Variants in SAA1 observed in about 807,000 individuals in gnomAD.
The protein encoded by SAA1 is serum amyloid A1, also known as serum amyloid A-1 protein.
SAA1 carries 4 observed loss-of-function variants against 9.8 expected under a neutral mutation model. The observed-to-expected ratio is 0.41, with a 90% CI of 0.20 to 0.93. The LOEUF (loss-of-function observed/expected upper bound fraction) is 0.93, where lower values mean the gene tolerates loss of function less well. Ranked by LOEUF, SAA1 falls within the 40% of genes least tolerant of loss-of-function variation. The pLI, the probability that SAA1 is intolerant of heterozygous loss-of-function variation, is 0.33. For missense variants in SAA1, 114 were observed against 155.5 expected, an observed-to-expected ratio of 0.73 and a Z score of 1.42; for synonymous variants, 47 against 57.7, an observed-to-expected ratio of 0.82 and a Z score of 0.84.
chr11:18,267,403 T>TGTCA (rs10665519), intron 2 of SAA1, among the ~76,000 whole-genome samples: 6,259 of 55,048 alleles, frequency 0.11, 791 homozygotes, highest in African/African-American at 0.18. Flanking sequence ...CGAGGATTGT[T>TGTCA]GTCAGTTACT....
intron 2 of SAA1, among the ~76,000 whole-genome samples, chr11:18,267,259 C>G (rs71469386): frequency 0.2 from 12,533 of 63,732 alleles, 952 homozygotes; most frequent in Non-Finnish European, 0.23. Context: ...AAAAACACAT[C>G]TCCTGAGCCG....
rs952274708 is a variant in SAA1 at position 18,268,376 on chromosome 11, A to T, written c.92-819A>T. On this transcript the variant is annotated intron_variant, in intron 2 of 3. Transcript: ENST00000356524. The stretch of plus-strand genomic sequence containing the variant: ...GACAGAGCGAGACTCCATCTAAAAA[A>T]AATGAAAAAGAAAGTGCAGCCAAGG... Among the ~76,000 whole-genome samples, 4 of 151,864 alleles carry T rather than the reference A, an allele frequency of 2.6e-5. 1 individual carries two copies. In the South Asian group the frequency reaches 8.3e-4, roughly 32 times the overall value.
At position 18,269,750 on chromosome 11, in the gene SAA1, C is replaced by T; in HGVS notation, c.264C>T (p.Gly88=). The change falls in exon 4 of 4, where the codon GGC becomes GGT. Residue 88 remains glycine (G), a synonymous_variant. Transcript: ENST00000356524. ...GAGAGAATATCCAGAGATTCTTTGGCCATGGTGCGGAGGACTCGCTGGCTG... is the reference window on the plus strand; with the variant it reads ...GAGAGAATATCCAGAGATTCTTTGGTCATGGTGCGGAGGACTCGCTGGCTG... The part of the protein sequence containing the change: ...DARENIQRFF[G]HGAEDSLADQ... 1 of 1,613,974 alleles carries T rather than the reference C, an allele frequency of 6.2e-7. No individual in the cohort carries two copies. Among genetic ancestry groups the T allele is most frequent in the Non-Finnish European group, 8.5e-7 (1 of 1,179,872 alleles).
rs1362861004 is a variant in SAA1, at chr11:18,267,766, T to C, written c.91+788T>C. ...GTTTCAGAATGACTCTGTGACGCAA[T>C]CTTCCTCTCTTGGAAGGTGAGAAAG... On this transcript the variant is annotated intron_variant, in intron 2 of 3. Transcript: ENST00000356524. 1.8e-5 allele frequency among the ~76,000 whole-genome samples: 2 copies of C among 111,694 alleles called. 1 individual carries two copies. Among genetic ancestry groups the C allele is most frequent in the Non-Finnish European group, 4.0e-5 (2 of 49,456 alleles). 73.3% of individuals were successfully genotyped at this position (111,694 alleles called of 152,430 possible). A position where few individuals can be genotyped will look rare whatever the true frequency, so the allele number is the denominator to read the frequency against.
At position 18,269,231 on chromosome 11, in the gene SAA1, G is replaced by C; in HGVS notation, c.128G>C (p.Arg43Thr). Residue 43 changes from arginine (R) to threonine (T), a missense_variant, in exon 3 of 4, where the codon AGA becomes ACA. Transcript: ENST00000356524. ...RDMWRAYSDMREANYIGSDKY... is the reference protein window; with the variant it reads ...RDMWRAYSDMTEANYIGSDKY... ...ATGTGGAGAGCCTACTCTGACATGA[G>C]AGAAGCCAATTACATCGGCTCAGAC... The C allele has an allele frequency of 6.2e-7, 1 of 1,603,406 alleles. No individual in the cohort carries two copies. The highest frequency in any genetic ancestry group is 8.5e-7 in the Non-Finnish European group (1 of 1,175,584).
At chr11:18,267,892 G>T (rs377077313) in intron 2 of SAA1, among the ~76,000 whole-genome samples, 2 of 145,210 alleles carry the variant, frequency 1.4e-5, no homozygotes, top group African/African-American at 5.1e-5. Flanking sequence ...GTTTGAGCCC[G>T]GCTGTGCTTG....
intron 3 of SAA1, among the ~76,000 whole-genome samples, 183 bp downstream of exon 3, chr11:18,269,516 T>C (rs10832915): frequency 0.43 from 64,970 of 151,894 alleles, 14,557 homozygotes; most frequent in Non-Finnish European, 0.51. Flanking sequence ...TGATTCCTCA[T>C]CCTCCCTCTC....
Position 18,269,594 on chromosome 11 carries a change from C to G in SAA1, c.231-123C>G, listed in dbSNP as rs200970628. The G allele has an allele frequency of 1.4e-5, 20 of 1,450,818 alleles. 1 individual carries two copies. In the South Asian group the frequency reaches 2.1e-4, roughly 15 times the overall value. The allele number at this position is 1,450,818 out of a possible 1,614,324, so 89.9% of individuals were successfully genotyped here. ...ATGGGGTGGTGCCCAGTGTTTTCAT[C>G]CCTCCTTCCTTGGCCTTTCTGGGCT... On this transcript the variant is annotated intron_variant, in intron 3 of 3. Coordinates refer to ENST00000356524, the MANE Select transcript of SAA1 (RefSeq NM_199161.5).
chr11:18,267,847 G>T (rs1427444998), intron 2 of SAA1, among the ~76,000 whole-genome samples: 1 of 129,938 alleles, frequency 7.7e-6, no homozygotes, highest in Non-Finnish European at 1.7e-5. Context: ...CAATGCCCAG[G>T]GACTTACTGC....
chr11:18,269,454 C>T, intron 3 of SAA1, 121 bp downstream of exon 3: 14 of 1,505,362 alleles, frequency 9.3e-6, no homozygotes, highest in South Asian at 1.3e-5. Context: ...TCCTCTTGCC[C>T]TCTCTCTGCC....
At chr11:18,269,406 G>A (rs1858151393) in intron 3 of SAA1, 73 bp downstream of exon 3, 11 of 1,521,682 alleles carry the variant, frequency 7.2e-6, no homozygotes, top group African/African-American at 4.2e-5. Context: ...GGAGGGAGAC[G>A]AGCTCCTTGT....
Position 18,266,956 on chromosome 11 carries a change from G to A in SAA1, c.69G>A (p.Ser23=), listed in dbSNP as rs146330775. 223 of 1,609,604 alleles carry A rather than the reference G, an allele frequency of 1.4e-4. 1 individual carries two copies. In the African/African-American group the frequency reaches 1.7e-3, roughly 12 times the overall value. ...VLGVSSRSFF[S]FLGEAFDGAR... ...GTGTCAGCAGCCGAAGCTTCTTTTC[G>A]TTCCTTGGCGAGGCTTTTGATGGTA... is the stretch of plus-strand genomic sequence containing the variant. The change falls in exon 2 of 4, where the codon TCG becomes TCA. Residue 23 remains serine, a synonymous_variant. Transcript: ENST00000356524.
At chr11:18,268,831 TAAAAAAAAAAAAAA>T (rs371021832) in intron 2 of SAA1, among the ~76,000 whole-genome samples, 3 of 110,654 alleles carry the variant, frequency 2.7e-5, no homozygotes, top group Admixed American at 9.0e-5. Context: ...AGACTCTGTC[TAAAAAAAAAAAAAA>T]AAAAAAAAAA....
intron 2 of SAA1, among the ~76,000 whole-genome samples, chr11:18,268,847 AAAAAAAAAAAAAAAAAG>A (rs1275623630): frequency 6.0e-5 from 1 of 16,756 alleles, no homozygotes; most frequent in African/African-American, 1.6e-4. Context: ...AAAAAAAAAA[AAAAAAAAAAAAAAAAAG>A]AATATAAACT....
chr11:18,269,674 C>T (rs779633638), intron 3 of SAA1, 43 bp from the exon 4 acceptor site: 88 of 1,610,564 alleles, frequency 5.5e-5, no homozygotes, highest in Non-Finnish European at 6.7e-5. Context: ...CTATTGCTCA[C>T]TGGCCTGATT....
chr11:18,267,490 A>G (rs1159639605), intron 2 of SAA1, among the ~76,000 whole-genome samples: 2 of 118,106 alleles, frequency 1.7e-5, no homozygotes, highest in Non-Finnish European at 3.8e-5. Context: ...TAAGGCCTGC[A>G]ATGGGTATAA....
chr11:18,268,627 T>G (rs1339890697), intron 2 of SAA1, among the ~76,000 whole-genome samples: 1 of 151,670 alleles, frequency 6.6e-6, no homozygotes, highest in Non-Finnish European at 1.5e-5. Context: ...AGGTCAGGAG[T>G]TCGAGACCAG....
In SAA1 at chr11:18,266,919, C is replaced by G. The variant is rs1360038596; in HGVS notation, c.32C>G (p.Ser11Cys). The change falls in exon 2 of 4, where the codon TCC becomes TGC. Residue 11 changes from serine to cysteine, a missense_variant. Transcript: ENST00000356524. MKLLTGLVFCSLVLGVSSRSF... is the reference protein window; with the variant it reads MKLLTGLVFCCLVLGVSSRSF... ...CTTCTCACGGGCCTGGTTTTCTGCTCCTTGGTCCTGGGTGTCAGCAGCCGA... is the reference window on the plus strand; with the variant it reads ...CTTCTCACGGGCCTGGTTTTCTGCTGCTTGGTCCTGGGTGTCAGCAGCCGA... 6.2e-7 allele frequency: 1 copy of G among 1,612,484 alleles called. No homozygotes were observed. The highest frequency in any genetic ancestry group is 2.2e-5 in the East Asian group (1 of 44,836).
Position 18,266,857 on chromosome 11 carries a change from ACTGCCTGACTTCTC to A in SAA1, c.-4-24_-4-11del. The A allele has an allele frequency of 6.3e-7, 1 of 1,586,640 alleles. No homozygotes were observed. Among genetic ancestry groups the A allele is most frequent in the Non-Finnish European group, 8.6e-7 (1 of 1,160,204 alleles). On this transcript the variant is annotated splice_polypyrimidine_tract_variant and intron_variant, in intron 1 of 3. Coordinates refer to ENST00000356524, the MANE Select transcript of SAA1 (RefSeq NM_199161.5). ...GGAAGCTGTGCCAGTCTTGTGGGCGACTGCCTGACTTCTCCTTTCATTTCAGCACCATGAAGCTT... is the reference window on the plus strand; with the variant it reads ...GGAAGCTGTGCCAGTCTTGTGGGCGACTTTCATTTCAGCACCATGAAGCTT...
Sources: gnomAD v4.1 joint callset for allele counts (sites outside exome capture counted in the v4.1 genomes callset) on GRCh38, gnomAD v4.1.1 for gene constraint, MANE v1.5 for transcripts, NCBI Gene and HGNC (gene_info 2026-07-23, HGNC 2026-07-21) for gene names.